The following APLP2 variants were observed in gnomAD, a reference collection of about 807,000 sequenced individuals.
APLP2 encodes the protein amyloid beta precursor like protein 2.
A neutral mutation model predicts 89.9 loss-of-function variants in APLP2; 53 were observed. The observed-to-expected ratio is 0.59, with a 90% CI of 0.47 to 0.74. APLP2 has a LOEUF of 0.74. Ranked by LOEUF, APLP2 falls within the 30% of genes least tolerant of loss-of-function variation. The probability of loss-of-function intolerance (pLI) is 0.00; values close to 1 mark genes in which losing one functional copy is unlikely to be tolerated. For missense variants in APLP2, 973 were observed against 975.9 expected (o/e 1.00, Z 0.04); for synonymous variants, 372 against 348.6 (o/e 1.07, Z -0.75).
At chr11:130,138,447 G>A (rs1207872912) in intron 13 of APLP2, among the ~76,000 whole-genome samples, 1 of 152,080 alleles carries the variant, frequency 6.6e-6, no homozygotes, top group Non-Finnish European at 1.5e-5. Context: ...ACTGGCTTTT[G>A]CTTTTGTACT....
In APLP2 at chr11:130,121,791, G is replaced by A. The variant is rs1231680940; in HGVS notation, c.694G>A (p.Asp232Asn). 3 of 1,611,968 alleles carry A rather than the reference G, an allele frequency of 1.9e-6. No homozygotes were observed. In the African/African-American group the frequency reaches 4.0e-5, roughly 22 times the overall value. ...EEEEEEDEEE[D>N]YDVYKSEFPT... ...AGAGGAAGAGGAAGATGAAGAGGAA[G>A]ACTATGATGTTTATAAAAGGTAACT... Residue 232 changes from aspartate (D) to asparagine (N), a missense_variant, in exon 5 of 17, where the codon GAC (aspartate) becomes AAC (asparagine). Physicochemically the swap from Asp to Asn is conservative, Grantham distance 23. Transcript: ENST00000338167.
At chr11:130,094,670 C>CT (rs1364788586) in intron 1 of APLP2, among the ~76,000 whole-genome samples, 1 of 152,130 alleles carries the variant, frequency 6.6e-6, no homozygotes, top group African/African-American at 2.4e-5. Flanking sequence ...AAATAAAAAC[C>CT]TTTTTGGGAT....
At chr11:130,110,366 C>T (rs1948393057) in intron 2 of APLP2, among the ~76,000 whole-genome samples, 172 bp from the exon 3 acceptor site, 1 of 152,226 alleles carries the variant, frequency 6.6e-6, no homozygotes, top group Non-Finnish European at 1.5e-5. Context: ...AAAACTAATA[C>T]AGTATCTTTT....
At chr11:130,117,989 A>G (rs1164191103) in intron 3 of APLP2, among the ~76,000 whole-genome samples, 7 of 151,866 alleles carry the variant, frequency 4.6e-5, no homozygotes, top group African/African-American at 1.5e-4. Flanking sequence ...AGGCAGGAGA[A>G]TCACTTGAAC....
At chr11:130,106,001 C>G (rs993515013) in intron 1 of APLP2, among the ~76,000 whole-genome samples, 6 of 151,960 alleles carry the variant, frequency 3.9e-5, no homozygotes, top group African/African-American at 1.2e-4. Context: ...CCACGCCCGG[C>G]CGATGCCTGT....
At chr11:130,103,986 C>T (rs7103739) in intron 1 of APLP2, among the ~76,000 whole-genome samples, 9,146 of 152,102 alleles carry the variant, frequency 0.06, 719 homozygotes, top group East Asian at 0.24. Flanking sequence ...TTTTCATATA[C>T]GTATTTATCA....
rs1950660806 is a variant in APLP2 at position 130,129,100 on chromosome 11, A to T, written c.1349A>T (p.Gln450Leu). The T allele has an allele frequency of 1.5e-5, 25 of 1,614,124 alleles. No homozygotes were observed. Among genetic ancestry groups the T allele is most frequent in the Non-Finnish European group, 2.1e-5 (25 of 1,180,040 alleles). ...ALEKEAASEKQQLVETHLARV... is the reference protein window; with the variant it reads ...ALEKEAASEKLQLVETHLARV... ...GAGAAGGAAGCAGCCAGTGAGAAGC[A>T]GCAGCTGGTGGAGACCCACCTGGCC... is the stretch of plus-strand genomic sequence containing the variant. The change falls in exon 10 of 17, where the codon CAG (glutamine) becomes CTG (leucine). Residue 450 changes from glutamine to leucine, a missense_variant. Coordinates refer to ENST00000338167, the MANE Select transcript of APLP2 (RefSeq NM_001142276.2).
intron 11 of APLP2, 21 bp downstream of exon 11, chr11:130,130,187 A>G: frequency 6.2e-7 from 1 of 1,614,210 alleles, no homozygotes; most frequent in African/African-American, 1.3e-5. Flanking sequence ...TGTAGTAGAA[A>G]TTGCTGCCGT....
At chr11:130,091,685 C>T (rs1945257432) in intron 1 of APLP2, among the ~76,000 whole-genome samples, 1 of 127,106 alleles carries the variant, frequency 7.9e-6, no homozygotes, top group African/African-American at 3.2e-5. Flanking sequence ...AGGCGCCCCT[C>T]ACCTCCCGGA....
At chr11:130,103,732 C>T (rs1461013649) in intron 1 of APLP2, among the ~76,000 whole-genome samples, 2 of 152,204 alleles carry the variant, frequency 1.3e-5, no homozygotes, top group African/African-American at 2.4e-5. Context: ...TAACTAATTA[C>T]TGTTTCTTAG....
chr11:130,074,683 C>T (rs1220744669), intron 1 of APLP2, among the ~76,000 whole-genome samples: 4 of 152,060 alleles, frequency 2.6e-5, no homozygotes, highest in South Asian at 2.1e-4. Context: ...TCTTATTCCC[C>T]AGGGAAACCT....
At chr11:130,081,662 T>A (rs1225786320) in intron 1 of APLP2, among the ~76,000 whole-genome samples, 1 of 152,242 alleles carries the variant, frequency 6.6e-6, no homozygotes, top group Non-Finnish European at 1.5e-5. Flanking sequence ...TGGGATCTGA[T>A]AAATTATTAG....
intron 9 of APLP2, among the ~76,000 whole-genome samples, 163 bp from the exon 10 acceptor site, chr11:130,128,885 A>G (rs1172939737): frequency 6.6e-6 from 1 of 152,218 alleles, no homozygotes; most frequent in African/African-American, 2.4e-5. Context: ...AGTAGAATGA[A>G]GGTAGGATGA....
In APLP2 at chr11:130,127,630, G is replaced by A. The variant is rs561543808; in HGVS notation, c.1222-136G>A. 36 of 715,950 alleles carry A rather than the reference G, an allele frequency of 5.0e-5. No homozygotes were observed. The African/African-American group carries it at 6.0e-4, about 12-fold the overall frequency. 44.3% of individuals were successfully genotyped at this position (715,950 alleles called of 1,614,324 possible). A position where few individuals can be genotyped will look rare whatever the true frequency, so the allele number is the denominator to read the frequency against. ...CCTTCTGAGGCAGTAACAATGCTAA[G>A]CTCCTAAGAGATTGTGTGATTGGTT... On this transcript the variant is annotated intron_variant, in intron 8 of 16. Transcript: ENST00000338167.
chr11:130,099,085 A>G (rs1405395181), intron 1 of APLP2, among the ~76,000 whole-genome samples: 1 of 152,178 alleles, frequency 6.6e-6, no homozygotes, highest in Non-Finnish European at 1.5e-5. Context: ...TCAAATGTTA[A>G]GCCCAACTTC....
intron 1 of APLP2, among the ~76,000 whole-genome samples, chr11:130,106,930 G>A (rs1215340225): frequency 2.0e-5 from 3 of 152,136 alleles, no homozygotes; most frequent in African/African-American, 7.2e-5. Flanking sequence ...CTCGTGATCT[G>A]CCTGCCTTGG....
chr11:130,094,548 T>A (rs762263036), intron 1 of APLP2, among the ~76,000 whole-genome samples: 16 of 152,210 alleles, frequency 1.1e-4, no homozygotes, highest in Non-Finnish European at 2.9e-5. Context: ...GAAGATTGGC[T>A]TTAGATTTAT....
At chr11:130,124,226 G>T (rs141862788) in intron 7 of APLP2, among the ~76,000 whole-genome samples, 1 of 152,186 alleles carries the variant, frequency 6.6e-6, no homozygotes, top group South Asian at 2.1e-4. Context: ...CTCATGGGGC[G>T]CCTCCTCTCG....
At chr11:130,124,333 C>T (rs754913020) in intron 7 of APLP2, among the ~76,000 whole-genome samples, 1 of 152,166 alleles carries the variant, frequency 6.6e-6, no homozygotes, top group East Asian at 1.9e-4. Context: ...GGTAGTGACT[C>T]ACTCTGTTTC....
Sources: gnomAD v4.1 joint callset for allele counts (sites outside exome capture counted in the v4.1 genomes callset) on GRCh38, gnomAD v4.1.1 for gene constraint, MANE v1.5 for transcripts, NCBI Gene and HGNC (gene_info 2026-07-23, HGNC 2026-07-21) for gene names.